EHHADH: variants seen among roughly 807,000 people sequenced by gnomAD.
EHHADH encodes the protein peroxisomal bifunctional enzyme.
A neutral mutation model predicts 64.4 loss-of-function variants in EHHADH; 48 were observed. The observed-to-expected ratio is 0.75, with a 90% CI of 0.59 to 0.95. The LOEUF is 0.95. EHHADH is among the 40% of genes least tolerant of loss of function. The pLI, the probability that EHHADH is intolerant of heterozygous loss-of-function variation, is 0.00. For synonymous variants in EHHADH, 308 were observed against 326.7 expected (o/e 0.94, Z 0.62); for missense variants, 854 against 876.6 (o/e 0.97, Z 0.33).
At chr3:185,220,004 A>G (rs752858686) in intron 4 of EHHADH, among the ~76,000 whole-genome samples, 5 of 152,192 alleles carry the variant, frequency 3.3e-5, no homozygotes, top group Admixed American at 1.3e-4. Context: ...GTTTCTGTAC[A>G]TAAGTATCCT....
chr3:185,218,084 G>T (rs1577363692), intron 5 of EHHADH, 52 bp downstream of exon 5: 3 of 1,336,108 alleles, frequency 2.2e-6, no homozygotes, highest in East Asian at 4.9e-5. Flanking sequence ...TTATTTAAAT[G>T]AACATGTATC....
intron 6 of EHHADH, among the ~76,000 whole-genome samples, chr3:185,193,819 T>G (rs1717983315): frequency 6.6e-6 from 1 of 152,064 alleles, no homozygotes; most frequent in South Asian, 2.1e-4. Context: ...AAGAAACAAT[T>G]CTACTTACAA....
Position 185,220,903 on chromosome 3 carries a change from T to C in EHHADH, c.464-2663A>G, listed in dbSNP as rs190729598. Reference sequence around the variant, plus strand: ...TCCAAATGTCATATTCAAGTTTTCCTAAAATTGTGCAGACTACTTAAAAAG... The same window carrying C: ...TCCAAATGTCATATTCAAGTTTTCCCAAAATTGTGCAGACTACTTAAAAAG... On this transcript the variant is annotated intron_variant, in intron 4 of 6. Coordinates refer to ENST00000231887, the MANE Select transcript of EHHADH (RefSeq NM_001966.4). 2.3e-3 allele frequency among the ~76,000 whole-genome samples: 343 copies of C among 152,328 alleles called. 1 individual carries two copies. Among genetic ancestry groups the C allele is most frequent in the Non-Finnish European group, 4.2e-3 (286 of 68,022 alleles).
intron 5 of EHHADH, among the ~76,000 whole-genome samples, chr3:185,206,845 A>T (rs1286342892): frequency 6.6e-6 from 1 of 152,010 alleles, no homozygotes; most frequent in Non-Finnish European, 1.5e-5. Flanking sequence ...AACAGAAAAA[A>T]AAAAATGAAA....
chr3:185,194,558 G>A (rs1194589352), intron 6 of EHHADH, among the ~76,000 whole-genome samples: 5 of 151,664 alleles, frequency 3.3e-5, no homozygotes, highest in Non-Finnish European at 7.4e-5. Flanking sequence ...GTTGCAGTGA[G>A]CCAAGATCGC....
intron 6 of EHHADH, among the ~76,000 whole-genome samples, chr3:185,194,609 T>TAACAAC (rs35024076): frequency 0.023 from 3,313 of 144,492 alleles, 54 homozygotes; most frequent in Middle Eastern, 0.035. Flanking sequence ...TGAAACTCTG[T>TAACAAC]AACAACAACA....
At chr3:185,249,790 T>C (rs2108653688) in intron 1 of EHHADH, among the ~76,000 whole-genome samples, 1 of 151,688 alleles carries the variant, frequency 6.6e-6, no homozygotes, top group East Asian at 1.9e-4. Context: ...AAAATATGGT[T>C]GCCCAAAATA....
intron 6 of EHHADH, among the ~76,000 whole-genome samples, chr3:185,198,546 C>T (rs1036389718): frequency 5.3e-5 from 8 of 151,680 alleles, no homozygotes; most frequent in South Asian, 2.1e-4. Context: ...TACATTGAAT[C>T]GCTTTTAAAG....
chr3:185,201,911 G>A (rs547079314), intron 6 of EHHADH, among the ~76,000 whole-genome samples: 16 of 152,328 alleles, frequency 1.1e-4, no homozygotes, highest in African/African-American at 3.4e-4. Flanking sequence ...TTCTTGACTT[G>A]AAGGAATTGA....
In EHHADH at chr3:185,235,378, T is replaced by G; in HGVS notation, c.263A>C (p.Lys88Thr). 1 of 1,613,986 alleles carries G rather than the reference T, an allele frequency of 6.2e-7. No homozygotes were observed. The highest frequency in any genetic ancestry group is 8.5e-7 in the Non-Finnish European group (1 of 1,179,978). Residue 88 changes from lysine (K) to threonine (T), a missense_variant, in exon 3 of 7, where the codon AAG (lysine) becomes ACG (threonine). Physicochemically the swap from Lys to Thr is moderately conservative, Grantham distance 78 (BLOSUM62 -1). Transcript: ENST00000231887. ...GCCTTGGATTGCTGCCACCACGGGCTTCTCATTTCTCTGTATTTCATCTAC... is the reference window on the plus strand; with the variant it reads ...GCCTTGGATTGCTGCCACCACGGGCGTCTCATTTCTCTGTATTTCATCTAC... The part of the protein sequence containing the change: ...HVVDEIQRNE[K>T]PVVAAIQGMA...
chr3:185,253,769 AAAAAAAAGAAAAGAAAAAG>A, intron 1 of EHHADH, 161 bp downstream of exon 1: 1 of 1,345,280 alleles, frequency 7.4e-7, no homozygotes, highest in South Asian at 1.8e-5. Context: ...GTTAAAAAAA[AAAAAAAAGAAAAGAAAAAG>A]AAAGAAAGAA....
rs868115450 is a variant in EHHADH at position 185,204,596 on chromosome 3, G to A, written c.730C>T (p.Pro244Ser). The change falls in exon 6 of 7, where the codon CCC becomes TCC. Residue 244 changes from proline to serine, a missense_variant. Pro to Ser is a moderately conservative substitution (Grantham distance 74). Coordinates refer to ENST00000231887, the MANE Select transcript of EHHADH (RefSeq NM_001966.4). ...VRAVQAAVQY[P>S]YEVGIKKEEE... ...TCCTTCTTGATGCCCACTTCATAGG[G>A]ATACTGCACAGCAGCCTGGACTGCA... 6.2e-7 allele frequency: 1 copy of A among 1,614,216 alleles called. No individual in the cohort carries two copies. The highest frequency in any genetic ancestry group is 1.3e-5 in the African/African-American group (1 of 75,060).
intron 6 of EHHADH, among the ~76,000 whole-genome samples, chr3:185,202,335 T>C (rs1218240339): frequency 2.2e-5 from 1 of 45,888 alleles, no homozygotes; most frequent in African/African-American, 9.7e-5. Flanking sequence ...CGAAACTCCA[T>C]ATCAAAAAAA....
At chr3:185,211,316 C>T (rs771249008) in intron 5 of EHHADH, among the ~76,000 whole-genome samples, 2 of 152,150 alleles carry the variant, frequency 1.3e-5, no homozygotes, top group Non-Finnish European at 2.9e-5. Flanking sequence ...ATCAGTGATT[C>T]AAATATACTA....
At chr3:185,196,764 G>A (rs1315268057) in intron 6 of EHHADH, among the ~76,000 whole-genome samples, 2 of 152,246 alleles carry the variant, frequency 1.3e-5, no homozygotes, top group East Asian at 3.9e-4. Context: ...CACTTTGGGA[G>A]GCCAGTGCGC....
rs747498106 is a variant in EHHADH at position 185,192,320 on chromosome 3, T to C, written c.2078A>G (p.Glu693Gly). 3.0e-5 allele frequency: 48 copies of C among 1,614,064 alleles called. No homozygotes were observed. In the Admixed American group the frequency reaches 8.0e-4, roughly 27 times the overall value. Reference protein sequence around the residue: ...YRQNPDIPQLEPSDYLKKLAS... With the variant: ...YRQNPDIPQLGPSDYLKKLAS... ...CAGTTTTTTTAGATAGTCACTTGGC[T>C]CCAGTTGGGGAATATCAGGGTTCTG... The change falls in exon 7 of 7, where the codon GAG becomes GGG. Residue 693 changes from glutamate to glycine, a missense_variant. Transcript: ENST00000231887.
At chr3:185,251,608 ATGTGTGTGTGTG>A (rs3072431) in intron 1 of EHHADH, among the ~76,000 whole-genome samples, 3 of 149,200 alleles carry the variant, frequency 2.0e-5, no homozygotes, top group African/African-American at 7.4e-5. Flanking sequence ...AAAAATTTAT[ATGTGTGTGTGTG>A]TGTGTGTGTG....
chr3:185,227,393 G>A (rs776770832), intron 4 of EHHADH, among the ~76,000 whole-genome samples: 3 of 151,856 alleles, frequency 2.0e-5, no homozygotes, highest in Non-Finnish European at 2.9e-5. Flanking sequence ...TTAGCTGGGC[G>A]TGGTGGTGCA....
chr3:185,215,053 C>T (rs756064390), intron 5 of EHHADH, among the ~76,000 whole-genome samples: 6 of 151,988 alleles, frequency 3.9e-5, no homozygotes, highest in African/African-American at 1.2e-4. Context: ...TCAGTCTCAC[C>T]GTATTTGTTC....
Sources: allele counts gnomAD v4.1 joint callset (sites outside exome capture counted in the v4.1 genomes callset), GRCh38; gene constraint gnomAD v4.1.1; transcripts MANE v1.5; gene names NCBI Gene and HGNC (gene_info 2026-07-23, HGNC 2026-07-21).